SIGLEC1: variants seen among roughly 807,000 people sequenced by gnomAD.
The protein encoded by SIGLEC1 is sialic acid binding Ig like lectin 1.
A neutral mutation model predicts 148.0 loss-of-function variants in SIGLEC1; 132 were observed. The observed-to-expected ratio is 0.89, with a 90% CI of 0.77 to 1.03. The LOEUF (loss-of-function observed/expected upper bound fraction) is 1.03, where lower values mean the gene tolerates loss of function less well. SIGLEC1 is among the 50% of genes least tolerant of loss of function. The pLI, the probability that SIGLEC1 is intolerant of heterozygous loss-of-function variation, is 0.00. For synonymous variants in SIGLEC1, 945 were observed against 969.0 expected, an observed-to-expected ratio of 0.98 and a Z score of 0.46; for missense variants, 2,253 against 2,271.4, an observed-to-expected ratio of 0.99 and a Z score of 0.16.
At position 3,692,698 on chromosome 20, in the gene SIGLEC1, C is replaced by T. The variant is rs377709073; in HGVS notation, c.3853G>A (p.Ala1285Thr). ...APITVTCADP[A>T]AHAPTLYTWY... Reference sequence around the variant, plus strand: ...GTATAGAGTGTGGGTGCGTGGGCAGCAGGGTCCGCACAGGTCACTGTGATG... The same window carrying T: ...GTATAGAGTGTGGGTGCGTGGGCAGTAGGGTCCGCACAGGTCACTGTGATG... The change falls in exon 16 of 22, where the codon GCT becomes ACT. Residue 1285 changes from alanine (A) to threonine (T), a missense_variant. By Grantham distance (58) the Ala-to-Thr change is moderately conservative. Transcript: ENST00000344754. 3 of 1,612,968 alleles carry T rather than the reference C, an allele frequency of 1.9e-6. No individual in the cohort carries two copies. The highest frequency in any genetic ancestry group is 2.5e-6 in the Non-Finnish European group (3 of 1,180,018).
chr20:3,704,937 A>T (rs639514), intron 4 of SIGLEC1, among the ~76,000 whole-genome samples: 8,907 of 152,226 alleles, frequency 0.059, 751 homozygotes, highest in African/African-American at 0.18. Flanking sequence ...AGTGTTTAAT[A>T]TGTGCCAGGC....
chr20:3,693,402 T>A (rs1568840163), intron 14 of SIGLEC1, 45 bp downstream of exon 14: 1 of 1,526,516 alleles, frequency 6.6e-7, no homozygotes, highest in Non-Finnish European at 8.8e-7. Flanking sequence ...CCCTGTGGGC[T>A]TCTGTCATTC....
Position 3,693,782 on chromosome 20 carries a change from C to G in SIGLEC1, c.3257-84G>C, listed in dbSNP as rs2088791918. ...CACCTGTCTCCATGTGGGTGAGCTA[C>G]TCCTACTGCTGGGGAGCCCCTTGGC... On this transcript the variant is annotated intron_variant, in intron 13 of 21. Transcript: ENST00000344754. 2.1e-5 allele frequency: 30 copies of G among 1,417,048 alleles called. 1 individual carries two copies. In the South Asian group the frequency reaches 4.4e-4, roughly 21 times the overall value. 87.8% of individuals were successfully genotyped at this position (1,417,048 alleles called of 1,614,324 possible). A position where few individuals can be genotyped will look rare whatever the true frequency, so the allele number is the denominator to read the frequency against.
In SIGLEC1 at chr20:3,701,635, G is replaced by A; in HGVS notation, c.1235C>T (p.Pro412Leu). The change falls in exon 7 of 22, where the codon CCT (proline) becomes CTT (leucine). Residue 412 changes from proline to leucine, a missense_variant. Transcript: ENST00000344754. ...GPVSVVVNHP[P>L]LTPVLTAFLE... ...GAAGGCTGTCAGGACTGGAGTGAGA[G>A]GCGGGTCTGTGTGGAGACGAGAGGT... 1 of 1,562,338 alleles carries A rather than the reference G, an allele frequency of 6.4e-7. No homozygotes were observed. Among genetic ancestry groups the A allele is most frequent in the African/African-American group, 1.3e-5 (1 of 74,136 alleles).
At position 3,694,513 on chromosome 20, in the gene SIGLEC1, T is replaced by C; in HGVS notation, c.2964A>G (p.Thr988=). The C allele has an allele frequency of 6.4e-7, 1 of 1,562,714 alleles. No homozygotes were observed. The highest frequency in any genetic ancestry group is 8.7e-7 in the Non-Finnish European group (1 of 1,151,426). ...LHVSYAPRHV[T]LTTLMDTGPG... is the part of the protein sequence containing the mutation. ...GGCCTGTGTCCATCAGGGTAGTGAGTGTGACGTGGCGTGGGGCATCTACAC... is the reference window on the plus strand; with the variant it reads ...GGCCTGTGTCCATCAGGGTAGTGAGCGTGACGTGGCGTGGGGCATCTACAC... The change falls in exon 13 of 22, where the codon ACA becomes ACG. Residue 988 remains threonine (T), a synonymous_variant. Coordinates refer to ENST00000344754, the MANE Select transcript of SIGLEC1 (RefSeq NM_023068.4).
chr20:3,689,709 C>T lies in SIGLEC1; in HGVS notation c.4895-7G>A. ...TGATGCAGGCGGTGCAGGGCTGGAACACAGAGCGGGACTCAGAGCAGCCAC... is the reference window on the plus strand; with the variant it reads ...TGATGCAGGCGGTGCAGGGCTGGAATACAGAGCGGGACTCAGAGCAGCCAC... On this transcript the variant is annotated splice_polypyrimidine_tract_variant and splice_region_variant and intron_variant, in intron 19 of 21. Transcript: ENST00000344754. 4 of 1,566,352 alleles carry T rather than the reference C, an allele frequency of 2.6e-6. No individual in the cohort carries two copies. The highest frequency in any genetic ancestry group is 2.3e-5 in the East Asian group (1 of 42,616).
At position 3,705,919 on chromosome 20, in the gene SIGLEC1, G is replaced by T; in HGVS notation, c.531C>A (p.Gly177=). 1 of 1,614,154 alleles carries T rather than the reference G, an allele frequency of 6.2e-7. No individual in the cohort carries two copies. The highest frequency in any genetic ancestry group is 8.5e-7 in the Non-Finnish European group (1 of 1,180,040). The change falls in exon 4 of 22, where the codon GGC becomes GGA. Residue 177 remains glycine, a synonymous_variant. Transcript: ENST00000344754. Reference sequence around the variant, plus strand: ...AGGTGACAGAGCGAGCAGGGTCCTGGCCTTGCCACTGCAGTCTGACCTGCT... The same window carrying T: ...AGGTGACAGAGCGAGCAGGGTCCTGTCCTTGCCACTGCAGTCTGACCTGCT... The part of the protein sequence containing the change: ...LQEQVRLQWQ[G]QDPARSVTFN...
chr20:3,688,683 C>G (rs1364485969), intron 21 of SIGLEC1, 64 bp from the exon 22 acceptor site: 6 of 1,353,074 alleles, frequency 4.4e-6, no homozygotes, highest in South Asian at 1.4e-5. Context: ...CCCCAGGCCC[C>G]CAGCCTCAGG....
chr20:3,705,655 G>C, intron 4 of SIGLEC1, 89 bp downstream of exon 4: 1 of 1,414,410 alleles, frequency 7.1e-7, no homozygotes, highest in Non-Finnish European at 9.7e-7. Flanking sequence ...AGGAGCAAGG[G>C]TTCCGTTTCT....
chr20:3,708,932 C>G (rs1028970445), intron 1 of SIGLEC1, among the ~76,000 whole-genome samples: 43 of 150,746 alleles, frequency 2.9e-4, no homozygotes, highest in Non-Finnish European at 8.8e-5. Flanking sequence ...CTAGTCCTAG[C>G]TACTCGGGAG....
At position 3,690,829 on chromosome 20, in the gene SIGLEC1, C is replaced by CTTTTTT. The variant is rs1226435413; in HGVS notation, c.4591+505_4591+510dup. ...TTGGTTTTTTCTCTTCTTTTCTTTT[C>CTTTTTT]TTTTTTTTTTTTTTTTCTTGAGACA... On this transcript the variant is annotated intron_variant, in intron 18 of 21. Coordinates refer to ENST00000344754, the MANE Select transcript of SIGLEC1 (RefSeq NM_023068.4). Among the ~76,000 whole-genome samples the CTTTTTT allele has an allele frequency of 1.5e-4, 17 of 117,014 alleles. 1 individual carries two copies. The highest frequency in any genetic ancestry group is 1.9e-4 in the African/African-American group (5 of 26,584). The allele number at this position is 117,014 out of a possible 152,430, so 76.8% of individuals were successfully genotyped here. A position where few individuals can be genotyped will look rare whatever the true frequency, so the allele number is the denominator to read the frequency against.
At chr20:3,695,501 T>C (rs2146522823) in intron 11 of SIGLEC1, among the ~76,000 whole-genome samples, 1 of 152,078 alleles carries the variant, frequency 6.6e-6, no homozygotes. Context: ...GGCCCCTGGG[T>C]GTGAAGCAGG....
At position 3,690,258 on chromosome 20, in the gene SIGLEC1, G is replaced by C; in HGVS notation, c.4598C>G (p.Pro1533Arg). 2 of 1,544,320 alleles carry C rather than the reference G, an allele frequency of 1.3e-6. No homozygotes were observed. The highest frequency in any genetic ancestry group is 1.7e-6 in the Non-Finnish European group (2 of 1,143,798). ...APVMLRVLYP[P>R]KTPTMMVFVE... is the part of the protein sequence containing the mutation. Reference sequence around the variant, plus strand: ...GAAGACCATCATGGTGGGCGTCTTGGGAGGGTCTGTGGGGAGGAAGGGAGT... The same window carrying C: ...GAAGACCATCATGGTGGGCGTCTTGCGAGGGTCTGTGGGGAGGAAGGGAGT... Residue 1533 changes from proline to arginine, a missense_variant, in exon 19 of 22, where the codon CCC becomes CGC. Pro to Arg is a moderately radical substitution (Grantham distance 103, BLOSUM62 -2). Transcript: ENST00000344754.
intron 1 of SIGLEC1, among the ~76,000 whole-genome samples, chr20:3,711,108 G>C (rs773929952): frequency 6.6e-6 from 1 of 152,236 alleles, no homozygotes; most frequent in Non-Finnish European, 1.5e-5. Context: ...TCCCGGGAAA[G>C]GGGGCGGTGT....
In SIGLEC1 at chr20:3,692,771, A is replaced by C. The variant is rs778502640; in HGVS notation, c.3780T>G (p.Gly1260=). ...ANTSLELRLE[G]VRVILAPEAA... ...CCTCCGGAGCCAGGATCACCCGCAC[A>C]CCTGTGCCAAGGAGGCCAGGATCAG... The change falls in exon 16 of 22, where the codon GGT becomes GGG. Residue 1260 remains glycine, a splice_region_variant and synonymous_variant. Coordinates refer to ENST00000344754, the MANE Select transcript of SIGLEC1 (RefSeq NM_023068.4). 6.2e-7 allele frequency: 1 copy of C among 1,608,300 alleles called. No individual in the cohort carries two copies. The highest frequency in any genetic ancestry group is 1.7e-5 in the Admixed American group (1 of 59,940).
intron 13 of SIGLEC1, 45 bp downstream of exon 13, chr20:3,694,176 C>CAT: frequency 4.4e-6 from 2 of 450,380 alleles, no homozygotes; most frequent in Non-Finnish European, 5.8e-6. Flanking sequence ...TTTTAAAGGA[C>CAT]ACACACACAC....
intron 20 of SIGLEC1, 47 bp downstream of exon 20, chr20:3,689,553 G>A: frequency 7.5e-7 from 1 of 1,332,348 alleles, no homozygotes; most frequent in Admixed American, 2.2e-5. Flanking sequence ...AGACGAGGTG[G>A]GCTGCCTTAC....
intron 8 of SIGLEC1, among the ~76,000 whole-genome samples, chr20:3,698,395 G>A (rs557337778): frequency 2.6e-5 from 4 of 152,244 alleles, no homozygotes; most frequent in Non-Finnish European, 5.9e-5. Flanking sequence ...TCAGACAAAG[G>A]TGCTGTATGG....
chr20:3,689,113 T>A (rs772814725), intron 21 of SIGLEC1, 42 bp downstream of exon 21: 3 of 1,540,756 alleles, frequency 1.9e-6, no homozygotes, highest in Non-Finnish European at 1.8e-6. Flanking sequence ...GCACTGTGGG[T>A]TAGCTGGGTA....
Sources: allele counts gnomAD v4.1 joint callset (sites outside exome capture counted in the v4.1 genomes callset), GRCh38; gene constraint gnomAD v4.1.1; transcripts MANE v1.5; gene names NCBI Gene and HGNC (gene_info 2026-07-23, HGNC 2026-07-21).